The following CD70 variants were observed in gnomAD, a reference collection of about 807,000 sequenced individuals.
CD70 encodes the protein CD70 antigen.
A neutral mutation model predicts 9.0 loss-of-function variants in CD70; 6 were observed. The observed-to-expected ratio is 0.67, with a 90% confidence interval of 0.37 to 1.32. CD70 has a LOEUF of 1.32. Ranked by LOEUF, CD70 falls within the 40% of genes most tolerant of loss-of-function variation. The pLI, the probability that CD70 is intolerant of heterozygous loss-of-function variation, is 0.02. For synonymous variants in CD70, 108 were observed against 112.3 expected (o/e 0.96, Z 0.24); for missense variants, 235 against 258.7 (o/e 0.91, Z 0.63).
At position 6,590,981 on chromosome 19, in the gene CD70, A is replaced by T; in HGVS notation, c.22T>A (p.Cys8Ser). The T allele has an allele frequency of 6.2e-7, 1 of 1,610,042 alleles. No homozygotes were observed. The highest frequency in any genetic ancestry group is 8.5e-7 in the Non-Finnish European group (1 of 1,177,830). Residue 8 changes from cysteine (C) to serine (S), a missense_variant, in exon 1 of 3, where the codon TGC becomes AGC. By Grantham distance (112) the Cys-to-Ser change is moderately radical (BLOSUM62 -1). Transcript: ENST00000245903. This position sits in a 1 kb window ranked among gnomAD's most constrained non-coding sequence, Gnocchi z 5.3. ...CCATAGGGCCTGCGCCGCACCGAGC[A>T]GCCCGAACCCTCCTCCGGCATCGCC... MPEEGSG[C>S]SVRRRPYGCV... is the part of the protein sequence containing the mutation.
At chr19:6,585,828 C>T (rs546800061), downstream of CD70, 187 of 538,710 alleles carry the variant, frequency 3.5e-4, 2 homozygotes, top group East Asian at 5.2e-3. Flanking sequence ...ATGCACGCCA[C>T]GAAGCCCAGC....
downstream of CD70, among the ~76,000 whole-genome samples, chr19:6,584,971 A>T (rs1033644057): frequency 2.0e-5 from 3 of 151,832 alleles, no homozygotes; most frequent in Admixed American, 6.6e-5. Flanking sequence ...CATGTGCAGG[A>T]TGTGTAGTTC....
At chr19:6,582,874 C>T (rs970603385), downstream of CD70, among the ~76,000 whole-genome samples, 10 of 152,268 alleles carry the variant, frequency 6.6e-5, 1 homozygote, top group Admixed American at 2.6e-4. Context: ...ATCCAGGTCA[C>T]GCTGATGTAA....
At chr19:6,585,416 C>A (rs976370276), downstream of CD70, among the ~76,000 whole-genome samples, 4 of 151,070 alleles carry the variant, frequency 2.6e-5, no homozygotes, top group Admixed American at 2.6e-4. Flanking sequence ...ATGATCACGG[C>A]TCACTGCAGC....
chr19:6,584,639 C>T (rs1355433246), downstream of CD70, among the ~76,000 whole-genome samples: 5 of 145,256 alleles, frequency 3.4e-5, no homozygotes, highest in South Asian at 2.2e-4. Flanking sequence ...GCGGGAAGAT[C>T]GGCATTTCGG....
chr19:6,582,513 G>A (rs1294662075), downstream of CD70, among the ~76,000 whole-genome samples: 3 of 75,146 alleles, frequency 4.0e-5, no homozygotes, highest in Admixed American at 1.7e-4. Context: ...CCCCTCCCCC[G>A]ACTCCACACT....
chr19:6,581,849 C>T (rs1163995668), downstream of CD70, among the ~76,000 whole-genome samples: 1 of 152,118 alleles, frequency 6.6e-6, no homozygotes, highest in African/African-American at 2.4e-5. Context: ...AGTCCACAGT[C>T]CAAAATCTCA....
intron 2 of CD70, among the ~76,000 whole-genome samples, chr19:6,587,465 C>T (rs979035220): frequency 1.3e-5 from 2 of 150,670 alleles, no homozygotes; most frequent in South Asian, 2.1e-4. Context: ...CGAGAGTGCA[C>T]GGGAGTGAGC....
chr19:6,582,169 C>T (rs898638211), downstream of CD70, among the ~76,000 whole-genome samples: 14 of 151,354 alleles, frequency 9.2e-5, no homozygotes, highest in Non-Finnish European at 1.3e-4. Context: ...GCGGGGACTA[C>T]AGGCGCACGC....
At chr19:6,585,020 A>G (rs1221384693), downstream of CD70, among the ~76,000 whole-genome samples, 17 of 151,870 alleles carry the variant, frequency 1.1e-4, no homozygotes. Flanking sequence ...GGTTTGCGAC[A>G]CCCCTCACCA....
chr19:6,582,790 T>A (rs1466650826), downstream of CD70, among the ~76,000 whole-genome samples: 1 of 152,182 alleles, frequency 6.6e-6, no homozygotes, highest in Non-Finnish European at 1.5e-5. Flanking sequence ...TGGTTCCAAG[T>A]CTTTGCTATT....
chr19:6,584,941 ATTAT>A (rs2145318474), downstream of CD70, among the ~76,000 whole-genome samples: 1 of 151,868 alleles, frequency 6.6e-6, no homozygotes, highest in African/African-American at 2.4e-5. Flanking sequence ...TTTTATTATT[ATTAT>A]TTAAGTTCTG....
Position 6,591,030 on chromosome 19 carries a change from A to G in CD70, c.-28T>C, listed in dbSNP as rs757242864. Reference sequence around the variant, plus strand: ...CCGCGGCGATCACCTCCGCTAGCGCAGGAGGGGCGATGGGGGCGCGGAGCG... The same window carrying G: ...CCGCGGCGATCACCTCCGCTAGCGCGGGAGGGGCGATGGGGGCGCGGAGCG... On this transcript the variant is annotated 5_prime_UTR_variant, in exon 1 of 3. Coordinates refer to ENST00000245903, the MANE Select transcript of CD70 (RefSeq NM_001252.5). 6.4e-7 allele frequency: 1 copy of G among 1,568,474 alleles called. No homozygotes were observed. Among genetic ancestry groups the G allele is most frequent in the Admixed American group, 1.9e-5 (1 of 53,966 alleles).
chr19:6,590,596 A>G lies in CD70; in HGVS notation c.162+245T>C, dbSNP rs1339274219. Among the ~76,000 whole-genome samples, 1 of 152,064 alleles carries G rather than the reference A, an allele frequency of 6.6e-6. No individual in the cohort carries two copies. On this transcript the variant is annotated intron_variant, in intron 1 of 2. Transcript: ENST00000245903. The surrounding 1 kb of genome is among the most constrained non-coding windows in gnomAD (Gnocchi z 5.3). ...GCCTGCCGGGGGAACACCAGAGCCG[A>G]GTCATCTTCCATTTCCATGTGTGCC...
In CD70 at chr19:6,591,139, C is replaced by CT. The variant is rs547938773; in HGVS notation, c.-138dup. 288 of 846,326 alleles carry CT rather than the reference C, an allele frequency of 3.4e-4. No homozygotes were observed. In the African/African-American group the frequency reaches 4.1e-3, roughly 12 times the overall value. The allele number at this position is 846,326 out of a possible 1,614,324, so 52.4% of individuals were successfully genotyped here. On this transcript the variant is annotated 5_prime_UTR_variant, in exon 1 of 3. Coordinates refer to ENST00000245903, the MANE Select transcript of CD70 (RefSeq NM_001252.5). ...TGCTTCAACCTGTCAGGGGACCAGC[C>CT]TGCCCCTCTCTGGGGATGTCCGGCC...
At chr19:6,582,698 C>T (rs1019375600), downstream of CD70, among the ~76,000 whole-genome samples, 1 of 152,056 alleles carries the variant, frequency 6.6e-6, no homozygotes, top group Non-Finnish European at 1.5e-5. Flanking sequence ...TGAACTCATC[C>T]GTTTTTATGG....
downstream of CD70, among the ~76,000 whole-genome samples, chr19:6,585,587 C>T (rs929470115): frequency 2.0e-5 from 3 of 152,148 alleles, no homozygotes; most frequent in African/African-American, 4.8e-5. Flanking sequence ...AGCGATCTGC[C>T]TTCCTCAGCC....
Position 6,590,078 on chromosome 19 carries a change from C to T in CD70, c.196+25G>A, listed in dbSNP as rs771334012. The T allele has an allele frequency of 6.2e-7, 1 of 1,603,950 alleles. No individual in the cohort carries two copies. The highest frequency in any genetic ancestry group is 8.5e-7 in the Non-Finnish European group (1 of 1,171,496). ...CTCTCTCTGTGCCTCTTCTTCTCCC[C>T]GTCCCTCCACGTCCCCCGTGTTACC... On this transcript the variant is annotated intron_variant, in intron 2 of 2. Coordinates refer to ENST00000245903, the MANE Select transcript of CD70 (RefSeq NM_001252.5). This position sits in a 1 kb window ranked among gnomAD's most constrained non-coding sequence, Gnocchi z 5.3.
intron 2 of CD70, among the ~76,000 whole-genome samples, chr19:6,586,806 G>A (rs1475658376): frequency 6.7e-6 from 1 of 150,316 alleles, no homozygotes; most frequent in Admixed American, 6.7e-5. Context: ...AAAAAAAAGG[G>A]AGGGGGATAG....
Sources: gnomAD v4.1 joint callset for allele counts (sites outside exome capture counted in the v4.1 genomes callset) on GRCh38, gnomAD v4.1.1 for gene constraint, Gnocchi (gnomAD v3.1) non-coding constraint, MANE v1.5 for transcripts, NCBI Gene and HGNC (gene_info 2026-07-23, HGNC 2026-07-21) for gene names.